DNHD1: variants seen among roughly 807,000 people sequenced by gnomAD.
DNHD1 encodes the protein dynein heavy chain domain-containing protein 1.
Under a neutral mutation model 458.1 loss-of-function variants are expected in DNHD1, and 383 were observed. The ratio of observed to expected loss-of-function variants is 0.84; its 90% confidence interval spans 0.77 to 0.91. The LOEUF is 0.91. DNHD1 is among the 40% of genes least tolerant of loss of function. The probability of loss-of-function intolerance (pLI) is 0.00; values close to 1 mark genes in which losing one functional copy is unlikely to be tolerated. For missense variants in DNHD1, 5,336 were observed against 5,866.1 expected, an observed-to-expected ratio of 0.91 and a Z score of 2.95; for synonymous variants, 2,203 against 2,376.9, an observed-to-expected ratio of 0.93 and a Z score of 2.13.
At position 6,571,362 on chromosome 11, in the gene DNHD1, C is replaced by T. The variant is rs143488066; in HGVS notation, c.13850C>T (p.Ser4617Leu). The change falls in exon 42 of 43, where the codon TCG becomes TTG. Residue 4617 changes from serine to leucine, a missense_variant. Ser to Leu is a moderately radical substitution (Grantham distance 145). Transcript: ENST00000254579. The surrounding 1 kb of genome is among the most constrained non-coding windows in gnomAD (Gnocchi z 5.0). ...TCGAATTTCCCTGGTAGCCGAGGCTCGGTCTCCAGTCAGCTCCAGTATAAA... is the reference window on the plus strand; with the variant it reads ...TCGAATTTCCCTGGTAGCCGAGGCTTGGTCTCCAGTCAGCTCCAGTATAAA... ...PSSNFPGSRG[S>L]VSSQLQYKRL... 3.2e-5 allele frequency: 52 copies of T among 1,612,314 alleles called. No individual in the cohort carries two copies. The highest frequency in any genetic ancestry group is 2.8e-4 in the African/African-American group (21 of 75,016).
intron 10 of DNHD1, among the ~76,000 whole-genome samples, chr11:6,522,200 T>G (rs893091315): frequency 2.6e-5 from 4 of 152,096 alleles, no homozygotes; most frequent in African/African-American, 9.7e-5. Context: ...TTTTTTTTTC[T>G]TGTAAGTTTG....
At chr11:6,507,172 C>G (rs1852245134) in intron 4 of DNHD1, among the ~76,000 whole-genome samples, 1 of 152,206 alleles carries the variant, frequency 6.6e-6, no homozygotes, top group African/African-American at 2.4e-5. Context: ...GTCCCCATCT[C>G]TGACCACAAT....
At chr11:6,528,834 T>A in intron 11 of DNHD1, 44 bp from the exon 12 acceptor site, 3 of 1,550,216 alleles carry the variant, frequency 1.9e-6, no homozygotes, top group Non-Finnish European at 2.6e-6. Context: ...CCAATTCCCA[T>A]TATAGCCGCA....
chr11:6,499,411 C>A (rs1852093204), intron 3 of DNHD1, among the ~76,000 whole-genome samples: 1 of 152,130 alleles, frequency 6.6e-6, no homozygotes, highest in South Asian at 2.1e-4. Context: ...GTGTCCTTCC[C>A]ACATGTCTAT....
rs1384315944 is a variant in DNHD1, at chr11:6,556,571, G to A, written c.7388-112G>A. 11 of 1,079,006 alleles carry A rather than the reference G, an allele frequency of 1.0e-5. No homozygotes were observed. In the African/African-American group the frequency reaches 1.1e-4, roughly 11 times the overall value. 66.8% of individuals were successfully genotyped at this position (1,079,006 alleles called of 1,614,324 possible). On this transcript the variant is annotated intron_variant, in intron 24 of 42. Transcript: ENST00000254579. The stretch of plus-strand genomic sequence containing the variant: ...CTCAAATGTGACCAAGTCCCAACAC[G>A]TCAGATTCACAAAATTCCTTTAGAA...
chr11:6,549,817 A>G (rs1359424211), intron 24 of DNHD1, among the ~76,000 whole-genome samples: 1 of 152,236 alleles, frequency 6.6e-6, no homozygotes, highest in Non-Finnish European at 1.5e-5. Context: ...GTGCTCAATA[A>G]AAGTTTGTAG....
rs750585216 is a variant in DNHD1 at position 6,545,777 on chromosome 11, A to G, written c.4838A>G (p.His1613Arg). 4 of 1,551,748 alleles carry G rather than the reference A, an allele frequency of 2.6e-6. No homozygotes were observed. In the South Asian group the frequency reaches 4.8e-5, roughly 18 times the overall value. The change falls in exon 21 of 43, where the codon CAC (histidine) becomes CGC (arginine). Residue 1613 changes from histidine (H) to arginine (R), a missense_variant. By Grantham distance (29) the His-to-Arg change is conservative. This residue lies in a region of DNHD1 where 3,932 missense variants were observed against 4,365.6 expected (regional missense o/e 0.90). Transcript: ENST00000254579. The surrounding 1 kb of genome is among the most constrained non-coding windows in gnomAD (Gnocchi z 4.9). The stretch of plus-strand genomic sequence containing the variant: ...CTCAAGTATCACTTGGGTTCACCTC[A>G]CATAATCCCCAAAAGCCCCCTACAG... ...RQLKYHLGSP[H>R]IIPKSPLQSL...
chr11:6,522,293 C>CTGTTTA (rs1852619542), intron 10 of DNHD1, among the ~76,000 whole-genome samples: 1 of 151,974 alleles, frequency 6.6e-6, no homozygotes, highest in Admixed American at 6.6e-5. Context: ...TGTAGGTTGT[C>CTGTTTA]TGTTTACTCT....
Position 6,571,093 on chromosome 11 carries a change from T to C in DNHD1, c.13581T>C (p.Ala4527=), listed in dbSNP as rs1023304347. ...PSRRCAAVAH[A]LWTGRLPLPW... ...GCCGCTGTGCTGCGGTGGCCCACGCTCTCTGGACTGGCCGCCTACCCTTGC... is the reference window on the plus strand; with the variant it reads ...GCCGCTGTGCTGCGGTGGCCCACGCCCTCTGGACTGGCCGCCTACCCTTGC... Residue 4527 remains alanine, a synonymous_variant, in exon 42 of 43, where the codon GCT becomes GCC. Coordinates refer to ENST00000254579, the MANE Select transcript of DNHD1 (RefSeq NM_144666.3). This position sits in a 1 kb window ranked among gnomAD's most constrained non-coding sequence, Gnocchi z 5.0. 1 of 1,595,170 alleles carries C rather than the reference T, an allele frequency of 6.3e-7. No homozygotes were observed.
intron 29 of DNHD1, 99 bp downstream of exon 29, chr11:6,563,230 G>A: frequency 6.5e-7 from 1 of 1,535,874 alleles, no homozygotes; most frequent in Admixed American, 2.0e-5. Flanking sequence ...ACTCATCATG[G>A]AATCTCCTGG....
At chr11:6,537,532 TAA>T (rs972837227) in intron 14 of DNHD1, among the ~76,000 whole-genome samples, 2 of 149,742 alleles carry the variant, frequency 1.3e-5, no homozygotes, top group Non-Finnish European at 3.0e-5. Context: ...AAGAAAGTGA[TAA>T]GTGATAGAGA....
In DNHD1 at chr11:6,571,574, C is replaced by T. The variant is rs11601786; in HGVS notation, c.13912-62C>T. The T allele has an allele frequency of 5.6e-3, 8,322 of 1,475,206 alleles. 41 individuals carry two copies. The highest frequency in any genetic ancestry group is 0.011 in the Middle Eastern group (62 of 5,618). 91.4% of individuals were successfully genotyped at this position (1,475,206 alleles called of 1,614,324 possible). On this transcript the variant is annotated intron_variant, in intron 42 of 42. Coordinates refer to ENST00000254579, the MANE Select transcript of DNHD1 (RefSeq NM_144666.3). The surrounding 1 kb of genome is among the most constrained non-coding windows in gnomAD (Gnocchi z 5.0). ...CCACGACCTCCTACCCGCTAACCCCCACTTCCCACCTGCCACCTCCCAGCT... is the reference window on the plus strand; with the variant it reads ...CCACGACCTCCTACCCGCTAACCCCTACTTCCCACCTGCCACCTCCCAGCT...
At chr11:6,541,961 G>A (rs1341265733) in intron 18 of DNHD1, among the ~76,000 whole-genome samples, 1 of 152,106 alleles carries the variant, frequency 6.6e-6, no homozygotes, top group Non-Finnish European at 1.5e-5. Flanking sequence ...GGAGAATGTA[G>A]GTCCTTTCCA....
At chr11:6,534,268 C>T in intron 14 of DNHD1, 95 bp downstream of exon 14, 3 of 1,291,964 alleles carry the variant, frequency 2.3e-6, no homozygotes, top group Non-Finnish European at 3.1e-6. Context: ...CCTGTATGAC[C>T]CCAAGCAAGC....
rs1852221115 is a variant in DNHD1 at position 6,505,921 on chromosome 11, T to C, written c.921-2959T>C. Among the ~76,000 whole-genome samples the C allele has an allele frequency of 1.3e-5, 2 of 152,198 alleles. No homozygotes were observed. The highest frequency in any genetic ancestry group is 2.1e-4 in the South Asian group (1 of 4,824). ...GGGATGGAATGCCTACAAACCATAG[T>C]TGGGAGCTTACAGAAAGCAAATGAC... On this transcript the variant is annotated intron_variant, in intron 4 of 42. Coordinates refer to ENST00000254579, the MANE Select transcript of DNHD1 (RefSeq NM_144666.3). The surrounding 1 kb of genome is among the most constrained non-coding windows in gnomAD (Gnocchi z 4.4).
chr11:6,544,457 G>A, intron 19 of DNHD1, 117 bp from the exon 20 acceptor site: 1 of 1,030,486 alleles, frequency 9.7e-7, no homozygotes, highest in Non-Finnish European at 1.4e-6. Flanking sequence ...GTCCTGCTGG[G>A]CAGAGTATTT....
At chr11:6,519,913 A>C (rs2134394724) in intron 8 of DNHD1, 52 bp from the exon 9 acceptor site, 1 of 1,613,254 alleles carries the variant, frequency 6.2e-7, no homozygotes, top group East Asian at 2.2e-5. Flanking sequence ...GATGCTGAGG[A>C]ATGTATACTG....
intron 6 of DNHD1, among the ~76,000 whole-genome samples, chr11:6,511,032 A>G (rs1256849936): frequency 6.6e-6 from 1 of 152,224 alleles, no homozygotes; most frequent in Non-Finnish European, 1.5e-5. Flanking sequence ...ATCACTAGGT[A>G]TAAGCACTTG....
At chr11:6,535,473 G>A (rs2134415720) in intron 14 of DNHD1, among the ~76,000 whole-genome samples, 1 of 152,290 alleles carries the variant, frequency 6.6e-6, no homozygotes, top group Admixed American at 6.5e-5. Flanking sequence ...CTGTGGCAGG[G>A]TAGGTACAAG....
Sources: gnomAD v4.1 joint callset for allele counts (sites outside exome capture counted in the v4.1 genomes callset) on GRCh38, gnomAD v4.1.1 for gene constraint, gnomAD v4.1.1 regional missense constraint, Gnocchi (gnomAD v3.1) non-coding constraint, MANE v1.5 for transcripts, NCBI Gene and HGNC (gene_info 2026-07-23, HGNC 2026-07-21) for gene names.